USP6: variants seen among roughly 807,000 people sequenced by gnomAD.
USP6 encodes ubiquitin carboxyl-terminal hydrolase 6.
Under a neutral mutation model 175.7 loss-of-function variants are expected in USP6, and 128 were observed. That is an observed-to-expected ratio of 0.73 (90% CI 0.63 to 0.84). USP6 has a LOEUF of 0.84. Ranked by LOEUF, USP6 falls within the 40% of genes least tolerant of loss-of-function variation. The pLI, the probability that USP6 is intolerant of heterozygous loss-of-function variation, is 0.00. For missense variants in USP6, 1,498 were observed against 1,760.3 expected (o/e 0.85, Z 2.67); for synonymous variants, 562 against 630.6 (o/e 0.89, Z 1.63).
At chr17:5,155,717 C>T in intron 31 of USP6, 111 bp downstream of exon 31, 1 of 957,962 alleles carries the variant, frequency 1.0e-6, no homozygotes, top group Non-Finnish European at 1.4e-6. Context: ...TGGCGCCCAG[C>T]CAAAATAAGT....
intron 33 of USP6, among the ~76,000 whole-genome samples, chr17:5,163,909 C>T (rs779837186): frequency 6.6e-6 from 1 of 152,196 alleles, no homozygotes; most frequent in East Asian, 1.9e-4. Context: ...CTTCTATTGT[C>T]GCTGTCTGGC....
intron 1 of USP6, among the ~76,000 whole-genome samples, chr17:5,116,974 C>T (rs1377154328): frequency 1.3e-5 from 2 of 152,186 alleles, no homozygotes; most frequent in Admixed American, 6.5e-5. Flanking sequence ...TGCCTACATT[C>T]TTGGGGAACT....
chr17:5,152,862 G>A (rs554144480), intron 30 of USP6, among the ~76,000 whole-genome samples: 88 of 152,254 alleles, frequency 5.8e-4, no homozygotes, highest in South Asian at 1.0e-3. Context: ...CCGGTGTGGT[G>A]CCACACACCT....
At position 5,145,462 on chromosome 17, in the gene USP6, C is replaced by T. The variant is rs2073579242; in HGVS notation, c.2050C>T (p.Gln684Ter). The change falls in exon 27 of 38, where the codon CAG becomes TAG. Residue 684 changes from glutamine to a stop codon, truncating the protein, a stop_gained. Transcript: ENST00000574788. LOFTEE classifies it high-confidence loss of function. ...RSIIVDLFHG[Q>*]LRSQVKCKTC... is the part of the protein sequence containing the mutation. ...AATTATTGTGGATTTGTTCCATGGG[C>T]AGCTAAGATCTCAAGTCAAATGCAA... 9.3e-6 allele frequency: 15 copies of T among 1,612,664 alleles called. No individual in the cohort carries two copies. Among genetic ancestry groups the T allele is most frequent in the Non-Finnish European group, 1.3e-5 (15 of 1,179,414 alleles).
intron 29 of USP6, among the ~76,000 whole-genome samples, chr17:5,147,558 C>T (rs1477068693): frequency 1.3e-5 from 2 of 152,206 alleles, no homozygotes; most frequent in Non-Finnish European, 2.9e-5. Flanking sequence ...TGTGATCACT[C>T]ACTGAGTCTT....
chr17:5,158,174 G>A (rs1352011490), intron 31 of USP6, among the ~76,000 whole-genome samples: 1 of 152,132 alleles, frequency 6.6e-6, no homozygotes, highest in East Asian at 1.9e-4. Flanking sequence ...TAGAGAGTGA[G>A]ATTTAAATAG....
Position 5,130,418 on chromosome 17 carries a change from C to T in USP6, c.51C>T (p.Asp17=), listed in dbSNP as rs756966038. 1 of 1,614,124 alleles carries T rather than the reference C, an allele frequency of 6.2e-7. No homozygotes were observed. Among genetic ancestry groups the T allele is most frequent in the Non-Finnish European group, 8.5e-7 (1 of 1,180,022 alleles). ...GTTTGCAGGCACAGGAGCGGAAGGA[C>T]ATACTTATGAAGTATGACAAGGTAC... ...ADSLQAQERK[D]ILMKYDKGHR... The change falls in exon 10 of 38, where the codon GAC becomes GAT. Residue 17 remains aspartate (D), a synonymous_variant. Coordinates refer to ENST00000574788, the MANE Select transcript of USP6 (RefSeq NM_001304284.2).
At chr17:5,144,940 T>A (rs1462913904) in intron 26 of USP6, 77 bp downstream of exon 26, 36 of 1,480,576 alleles carry the variant, frequency 2.4e-5, no homozygotes, top group Non-Finnish European at 3.1e-5. Flanking sequence ...ACAACTTAAA[T>A]GCAAACTAAA....
intron 4 of USP6, among the ~76,000 whole-genome samples, 200 bp downstream of exon 4, chr17:5,121,950 C>T (rs924102893): frequency 2.0e-5 from 3 of 152,064 alleles, no homozygotes; most frequent in African/African-American, 7.2e-5. Flanking sequence ...TGGATTAGAT[C>T]ACGTAGGCAA....
intron 30 of USP6, among the ~76,000 whole-genome samples, chr17:5,153,738 C>G (rs1326847766): frequency 6.6e-6 from 1 of 152,028 alleles, no homozygotes; most frequent in African/African-American, 2.4e-5. Context: ...TCACTGTACT[C>G]TCTGCCTCCT....
chr17:5,137,865 G>T, intron 20 of USP6, 115 bp downstream of exon 20: 1 of 1,578,938 alleles, frequency 6.3e-7, no homozygotes, highest in Non-Finnish European at 8.6e-7. Context: ...CCAGAGGGAG[G>T]TCTGGCCAGG....
rs2074288401 is a variant in USP6, at chr17:5,174,655, TTTC to T, written c.*1680_*1682del. The T allele has an allele frequency of 5.0e-6, 1 of 198,334 alleles. No homozygotes were observed. Among genetic ancestry groups the T allele is most frequent in the Admixed American group, 6.1e-5 (1 of 16,516 alleles). 12.3% of individuals were successfully genotyped at this position (198,334 alleles called of 1,614,324 possible). ...TTAAAAAGTGGAAGATTTTAAATAA[TTTC>T]TTTACAGATGTTTTATTTAAACAGG... is the stretch of plus-strand genomic sequence containing the variant. On this transcript the variant is annotated 3_prime_UTR_variant, in exon 38 of 38. Coordinates refer to ENST00000574788, the MANE Select transcript of USP6 (RefSeq NM_001304284.2).
rs759401512 is a variant in USP6, at chr17:5,167,933, T to A, written c.3038T>A (p.Val1013Asp). Residue 1013 changes from valine (V) to aspartate (D), a missense_variant and splice_region_variant, in exon 34 of 38, where the codon GTT becomes GAT. Around this residue, in one of 2 missense-constraint regions of USP6, gnomAD observed 1,217 missense variants for 1,500.8 expected, o/e 0.81. Coordinates refer to ENST00000574788, the MANE Select transcript of USP6 (RefSeq NM_001304284.2). The stretch of plus-strand genomic sequence containing the variant: ...TCCTCCTGTTCCCTCTACCTACAGG[T>A]TGTAGATAAGCATGAGAGTGTGGAG... ...HLRYQTSQER[V>D]VDKHESVEQS... is the part of the protein sequence containing the mutation. 1 of 1,610,276 alleles carries A rather than the reference T, an allele frequency of 6.2e-7. No individual in the cohort carries two copies. Among genetic ancestry groups the A allele is most frequent in the South Asian group, 1.1e-5 (1 of 90,900 alleles).
chr17:5,125,658 A>ACG (rs1555589091), intron 5 of USP6, among the ~76,000 whole-genome samples, 163 bp from the exon 6 acceptor site: 2 of 52,690 alleles, frequency 3.8e-5, no homozygotes, highest in Admixed American at 2.2e-4. Flanking sequence ...CAACACACAA[A>ACG]CACGCACACA....
intron 17 of USP6, among the ~76,000 whole-genome samples, chr17:5,136,263 C>T (rs2073250361): frequency 6.6e-6 from 1 of 152,254 alleles, no homozygotes; most frequent in Admixed American, 6.5e-5. Flanking sequence ...TCCTGCTGCC[C>T]TTGGTGCCCA....
At chr17:5,126,255 A>G (rs536083624) in intron 6 of USP6, among the ~76,000 whole-genome samples, 1 of 152,310 alleles carries the variant, frequency 6.6e-6, no homozygotes, top group South Asian at 2.1e-4. Context: ...CAAGTGCGCA[A>G]GTTTCCTGGG....
intron 31 of USP6, among the ~76,000 whole-genome samples, chr17:5,158,519 A>G (rs1447450167): frequency 1.3e-5 from 2 of 151,516 alleles, no homozygotes; most frequent in African/African-American, 4.9e-5. Context: ...GTGAGCTGAG[A>G]TCACACCACT....
At chr17:5,122,911 CCCGAAGCCGGGGACCGCCAAG>C (rs1181888775) in intron 4 of USP6, 2 of 152,382 alleles carry the variant, frequency 1.3e-5, no homozygotes, top group African/African-American at 4.8e-5. Context: ...CCGAGAGCAC[CCCGAAGCCGGGGACCGCCAAG>C]CCGGAGCCAG....
In USP6 at chr17:5,170,477, A is replaced by C. The variant is rs2144180688; in HGVS notation, c.3518-2A>C. 1 of 1,604,410 alleles carries C rather than the reference A, an allele frequency of 6.2e-7. No homozygotes were observed. Among genetic ancestry groups the C allele is most frequent in the East Asian group, 2.2e-5 (1 of 44,816 alleles). On this transcript the variant is annotated splice_acceptor_variant, in intron 35 of 37. Coordinates refer to ENST00000574788, the MANE Select transcript of USP6 (RefSeq NM_001304284.2). LOFTEE classifies it high-confidence loss of function. The stretch of plus-strand genomic sequence containing the variant: ...GAATCTTTTCTTCTGTCCTGTTCAC[A>C]GGTTCTCCTTCTTCATCAAGAAAAA...
Sources: allele counts gnomAD v4.1 joint callset (sites outside exome capture counted in the v4.1 genomes callset), GRCh38; gene constraint gnomAD v4.1.1; regional missense constraint gnomAD v4.1.1; transcripts MANE v1.5; gene names NCBI Gene and HGNC (gene_info 2026-07-23, HGNC 2026-07-21).